MGAT4C: variants seen among roughly 807,000 people sequenced by gnomAD.
MGAT4C encodes the protein alpha-1,3-mannosyl-glycoprotein 4-beta-N-acetylglucosaminyltransferase C.
In MGAT4C, 19 loss-of-function variants were observed where a neutral mutation model predicts 40.1. The ratio of observed to expected loss-of-function variants is 0.47; its 90% CI spans 0.33 to 0.70. The LOEUF (loss-of-function observed/expected upper bound fraction) is 0.70, where lower values mean the gene tolerates loss of function less well. Ranked by LOEUF, MGAT4C falls within the 30% of genes least tolerant of loss-of-function variation. The pLI is 0.02. For missense variants in MGAT4C, 491 were observed against 563.2 expected, an observed-to-expected ratio of 0.87 and a Z score of 1.30; for synonymous variants, 181 against 187.1, an observed-to-expected ratio of 0.97 and a Z score of 0.27.
intron 1 of MGAT4C, among the ~76,000 whole-genome samples, chr12:86,076,030 C>A (rs1264277423): frequency 1.3e-5 from 2 of 152,196 alleles, no homozygotes; most frequent in Non-Finnish European, 2.9e-5. Context: ...TATAGTCAGG[C>A]CACAAAGTTT....
At chr12:86,535,370 C>T (rs1048114477) in intron 2 of MGAT4C, among the ~76,000 whole-genome samples, 14 of 152,086 alleles carry the variant, frequency 9.2e-5, no homozygotes, top group African/African-American at 3.1e-4. Context: ...GAAATTATTT[C>T]TTCAGAATAG....
At chr12:86,271,727 T>C (rs1359800396) in intron 4 of MGAT4C, among the ~76,000 whole-genome samples, 1 of 152,204 alleles carries the variant, frequency 6.6e-6, no homozygotes, top group Non-Finnish European at 1.5e-5. Flanking sequence ...CTATCCACAA[T>C]AGCAAATATG....
At chr12:86,478,459 G>C (rs959031836) in intron 2 of MGAT4C, among the ~76,000 whole-genome samples, 1 of 152,098 alleles carries the variant, frequency 6.6e-6, no homozygotes, top group Non-Finnish European at 1.5e-5. Context: ...AAGTGGAAAA[G>C]AGCAGTGAAC....
intron 2 of MGAT4C, among the ~76,000 whole-genome samples, chr12:86,694,284 C>T (rs1217055419): frequency 6.6e-6 from 1 of 151,980 alleles, no homozygotes; most frequent in East Asian, 1.9e-4. Flanking sequence ...CTGTAAATGG[C>T]TTTTTTATAT....
chr12:86,197,998 A>G (rs1382138229), intron 1 of MGAT4C, among the ~76,000 whole-genome samples: 1 of 152,202 alleles, frequency 6.6e-6, no homozygotes, highest in African/African-American at 2.4e-5. Context: ...TACAATAAAC[A>G]ACTCAGGAAA....
chr12:86,371,564 C>T (rs1778062341), intron 3 of MGAT4C, among the ~76,000 whole-genome samples: 1 of 151,912 alleles, frequency 6.6e-6, no homozygotes, highest in Admixed American at 6.6e-5. Flanking sequence ...GCTGTCTTTT[C>T]CTTTAAATTT....
intron 2 of MGAT4C, among the ~76,000 whole-genome samples, chr12:86,706,137 G>A (rs1241598987): frequency 1.3e-5 from 2 of 152,104 alleles, no homozygotes; most frequent in Non-Finnish European, 2.9e-5. Context: ...AAACAAATAT[G>A]TGCTTGCTGT....
chr12:86,045,932 G>A (rs1892358555), intron 2 of MGAT4C, among the ~76,000 whole-genome samples: 1 of 152,072 alleles, frequency 6.6e-6, no homozygotes, highest in African/African-American at 2.4e-5. Flanking sequence ...TATTTTATTA[G>A]TGTGATCCTG....
intron 2 of MGAT4C, among the ~76,000 whole-genome samples, chr12:86,682,620 AG>A (rs1251125815): frequency 5.3e-5 from 8 of 152,144 alleles, no homozygotes; most frequent in African/African-American, 1.2e-4. Context: ...AGGGAAAAAA[AG>A]TTTCTTGTCA....
chr12:86,153,509 T>C (rs1884551209), intron 1 of MGAT4C, among the ~76,000 whole-genome samples: 1 of 152,222 alleles, frequency 6.6e-6, no homozygotes, highest in South Asian at 2.1e-4. Context: ...GTCCATGATA[T>C]GGTTTGGCTG....
At chr12:86,093,189 C>G (rs1477137230) in intron 1 of MGAT4C, among the ~76,000 whole-genome samples, 6 of 152,060 alleles carry the variant, frequency 3.9e-5, no homozygotes, top group Admixed American at 6.6e-5. Context: ...CATCTGTTCC[C>G]CTTCAAAACA....
At chr12:86,714,886 A>G (rs1950620207) in intron 2 of MGAT4C, among the ~76,000 whole-genome samples, 1 of 152,078 alleles carries the variant, frequency 6.6e-6, no homozygotes, top group Admixed American at 6.6e-5. Flanking sequence ...ATTATTTAAG[A>G]AGATATTAAA....
rs1235011097 is a variant in MGAT4C, at chr12:86,433,439, C to T, written c.-120+1718G>A. ...AAGATATAAACTGAGGGAATTGATA[C>T]TTTTTTGTTGTTGTAGCTTGCTGCA... is the stretch of plus-strand genomic sequence containing the variant. On this transcript the variant is annotated intron_variant, in intron 3 of 7. Coordinates refer to the MGAT4C transcript ENST00000548651. Among the ~76,000 whole-genome samples, 3 of 151,746 alleles carry T rather than the reference C, an allele frequency of 2.0e-5. No homozygotes were observed. In the East Asian group the frequency reaches 5.8e-4, roughly 29 times the overall value.
intron 2 of MGAT4C, among the ~76,000 whole-genome samples, chr12:86,447,271 A>C (rs1490805678): frequency 6.6e-6 from 1 of 152,082 alleles, no homozygotes; most frequent in African/African-American, 2.4e-5. Context: ...GATTACAGGC[A>C]TGTGCCACCA....
intron 1 of MGAT4C, among the ~76,000 whole-genome samples, chr12:86,163,213 T>C (rs1261479781): frequency 6.6e-6 from 1 of 152,106 alleles, no homozygotes; most frequent in African/African-American, 2.4e-5. Context: ...CCCCCTTTTT[T>C]TTCTTTTTGA....
At chr12:86,741,979 T>C (rs952423723) in intron 1 of MGAT4C, among the ~76,000 whole-genome samples, 1 of 151,518 alleles carries the variant, frequency 6.6e-6, no homozygotes, top group South Asian at 2.1e-4. Context: ...TATTTGATTA[T>C]GTACCTTTAA....
chr12:86,010,218 C>A (rs1888318528), intron 2 of MGAT4C, among the ~76,000 whole-genome samples: 1 of 152,028 alleles, frequency 6.6e-6, no homozygotes, highest in Admixed American at 6.6e-5. Flanking sequence ...TTATTTAAAG[C>A]AAAACAGACA....
chr12:86,441,064 C>A (rs1158605172), intron 2 of MGAT4C, among the ~76,000 whole-genome samples: 17 of 152,012 alleles, frequency 1.1e-4, no homozygotes, highest in South Asian at 6.2e-4. Flanking sequence ...AGATTCAATA[C>A]AATTTATACC....
intron 3 of MGAT4C, among the ~76,000 whole-genome samples, chr12:86,428,820 T>A (rs962396285): frequency 3.3e-5 from 5 of 152,146 alleles, no homozygotes; most frequent in African/African-American, 1.2e-4. Flanking sequence ...TAATGTCTAC[T>A]TTTTCATTTC....
Sources: allele counts gnomAD v4.1 joint callset (sites outside exome capture counted in the v4.1 genomes callset), GRCh38; gene constraint gnomAD v4.1.1; transcripts MANE v1.5; gene names NCBI Gene and HGNC (gene_info 2026-07-23, HGNC 2026-07-21).